AGBL1: variants seen among roughly 807,000 people sequenced by gnomAD.
The protein encoded by AGBL1 is AGBL carboxypeptidase 1.
A neutral mutation model predicts 118.9 loss-of-function variants in AGBL1; 130 were observed. The ratio of observed to expected loss-of-function variants is 1.09; its 90% CI spans 0.95 to 1.26. The LOEUF (loss-of-function observed/expected upper bound fraction) is 1.26, where lower values mean the gene tolerates loss of function less well. Ranked by LOEUF, AGBL1 falls within the 50% of genes most tolerant of loss-of-function variation. The pLI is 0.00. For missense variants in AGBL1, 1,584 were observed against 1,298.1 expected (o/e 1.22, Z -3.38); for synonymous variants, 555 against 478.9 (o/e 1.16, Z -2.08).
chr15:86,393,893 A>G (rs917677776), intron 17 of AGBL1, among the ~76,000 whole-genome samples: 15 of 152,250 alleles, frequency 9.9e-5, no homozygotes, highest in African/African-American at 2.9e-4. Context: ...ACTTTAAGAA[A>G]AGAGGCTTGC....
At chr15:86,870,509 A>AGGG (rs2079711337) in intron 22 of AGBL1, among the ~76,000 whole-genome samples, 1 of 138,002 alleles carries the variant, frequency 7.2e-6, no homozygotes, top group South Asian at 2.3e-4. Context: ...AGAAACAAAC[A>AGGG]CAGCAAAAGC....
At chr15:86,948,966 G>C (rs979024820) in intron 23 of AGBL1, among the ~76,000 whole-genome samples, 1 of 152,102 alleles carries the variant, frequency 6.6e-6, no homozygotes, top group Admixed American at 6.5e-5. Context: ...AACTGCTCTC[G>C]TGCTACAACA....
At chr15:86,169,705 T>C (rs951356417) in intron 5 of AGBL1, among the ~76,000 whole-genome samples, 3 of 152,236 alleles carry the variant, frequency 2.0e-5, no homozygotes, top group African/African-American at 7.2e-5. Context: ...AGGAAAAATC[T>C]GTTCATATTC....
chr15:86,181,937 A>G (rs1391961186), intron 5 of AGBL1, among the ~76,000 whole-genome samples: 1 of 152,106 alleles, frequency 6.6e-6, no homozygotes, highest in Admixed American at 6.5e-5. Context: ...TAACAACACC[A>G]TCATCAATAA....
chr15:86,764,450 G>A (rs926503252), intron 22 of AGBL1, among the ~76,000 whole-genome samples: 3 of 152,052 alleles, frequency 2.0e-5, no homozygotes, highest in African/African-American at 7.2e-5. Flanking sequence ...AATGCTCTGT[G>A]TGGGTGGATG....
At chr15:86,672,013 A>G (rs1003922859) in intron 21 of AGBL1, among the ~76,000 whole-genome samples, 1 of 151,922 alleles carries the variant, frequency 6.6e-6, no homozygotes, top group Non-Finnish European at 1.5e-5. Flanking sequence ...TCAAGGCTGC[A>G]GTGGGCTGTG....
chr15:86,458,504 C>G (rs896778231), intron 18 of AGBL1, among the ~76,000 whole-genome samples: 5 of 152,100 alleles, frequency 3.3e-5, no homozygotes, highest in African/African-American at 9.7e-5. Flanking sequence ...GGTAGTCAGT[C>G]TGTTACATTG....
At chr15:86,641,695 G>A (rs1241040102) in intron 21 of AGBL1, among the ~76,000 whole-genome samples, 1 of 152,020 alleles carries the variant, frequency 6.6e-6, no homozygotes. Context: ...GGCAGGAGGA[G>A]TGCTTGAAGC....
At chr15:86,652,539 G>A (rs2085392301) in intron 21 of AGBL1, among the ~76,000 whole-genome samples, 1 of 151,904 alleles carries the variant, frequency 6.6e-6, no homozygotes, top group African/African-American at 2.4e-5. Context: ...TCATAGTTAT[G>A]TAGATACCTA....
chr15:86,395,807 A>T (rs2081352457), intron 17 of AGBL1, among the ~76,000 whole-genome samples: 1 of 152,012 alleles, frequency 6.6e-6, no homozygotes, highest in Non-Finnish European at 1.5e-5. Flanking sequence ...GGTCTTAGTG[A>T]TGATAATAAC....
At chr15:86,098,096 G>A (rs1010293458) in intron 1 of AGBL1, among the ~76,000 whole-genome samples, 6 of 151,898 alleles carry the variant, frequency 4.0e-5, no homozygotes, top group Non-Finnish European at 8.8e-5. Flanking sequence ...TCATATACTT[G>A]TTGACCATTT....
intron 1 of AGBL1, among the ~76,000 whole-genome samples, chr15:86,085,258 T>C (rs764238359): frequency 6.6e-6 from 1 of 152,138 alleles, no homozygotes; most frequent in Non-Finnish European, 1.5e-5. Context: ...GGGAGGTACA[T>C]TTACCAGGAT....
intron 1 of AGBL1, among the ~76,000 whole-genome samples, chr15:86,080,940 G>GA (rs1233493242): frequency 6.7e-6 from 1 of 148,860 alleles, no homozygotes; most frequent in African/African-American, 2.4e-5. Context: ...TGTGGGGGCG[G>GA]GGGGGGGTCC....
chr15:86,772,674 C>A (rs1006487251), intron 22 of AGBL1, among the ~76,000 whole-genome samples: 2 of 151,910 alleles, frequency 1.3e-5, no homozygotes. Flanking sequence ...AATGAAGACA[C>A]AGAATGGATA....
At position 86,277,399 on chromosome 15, in the gene AGBL1, C is replaced by G. The variant is rs143196713; in HGVS notation, c.2076-2240C>G. On this transcript the variant is annotated intron_variant, in intron 15 of 22. Transcript: ENST00000614907. ...TCAGAACTACCATTTGAATTCCTTA[C>G]ACTTCCCTTAAATCTTGAGCCCATG... 7.2e-5 allele frequency among the ~76,000 whole-genome samples: 11 copies of G among 152,054 alleles called. No homozygotes were observed. In the East Asian group the frequency reaches 2.1e-3, roughly 29 times the overall value.
intron 21 of AGBL1, among the ~76,000 whole-genome samples, chr15:86,599,862 C>A (rs1286413129): frequency 6.6e-6 from 1 of 151,802 alleles, no homozygotes; most frequent in Non-Finnish European, 1.5e-5. Flanking sequence ...TATCCTACAC[C>A]TTTTTTACAT....
rs1486377848 is a variant in AGBL1 at position 86,615,629 on chromosome 15, C to G, written c.2995-58644C>G. ...TTGAGGCAATCTAATCTGAGTGTAACAGAGCACTGAGGCTCCGGTTCACCT... is the reference window on the plus strand; with the variant it reads ...TTGAGGCAATCTAATCTGAGTGTAAGAGAGCACTGAGGCTCCGGTTCACCT... On this transcript the variant is annotated intron_variant, in intron 21 of 22. Transcript: ENST00000614907. This position sits in a 1 kb window ranked among gnomAD's most constrained non-coding sequence, Gnocchi z 4.3. Among the ~76,000 whole-genome samples the G allele has an allele frequency of 2.0e-5, 3 of 152,132 alleles. No individual in the cohort carries two copies. Among genetic ancestry groups the G allele is most frequent in the African/African-American group, 7.2e-5 (3 of 41,430 alleles).
intron 24 of AGBL1, among the ~76,000 whole-genome samples, chr15:87,027,409 C>G (rs566330527): frequency 2.6e-5 from 4 of 151,484 alleles, no homozygotes; most frequent in Non-Finnish European, 4.4e-5. Context: ...ACCATTTGAC[C>G]GAGCAATCTC....
intron 19 of AGBL1, among the ~76,000 whole-genome samples, chr15:86,526,656 T>A: frequency 6.7e-6 from 1 of 149,848 alleles, no homozygotes; most frequent in Non-Finnish European, 1.5e-5. Flanking sequence ...GATGCACATA[T>A]ACATATACCA....
Sources: gnomAD v4.1 joint callset for allele counts (sites outside exome capture counted in the v4.1 genomes callset) on GRCh38, gnomAD v4.1.1 for gene constraint, Gnocchi (gnomAD v3.1) non-coding constraint, MANE v1.5 for transcripts, NCBI Gene and HGNC (gene_info 2026-07-23, HGNC 2026-07-21) for gene names.